CDKAL1: variants seen among roughly 807,000 people sequenced by gnomAD.
CDKAL1 encodes CDKAL1 threonylcarbamoyladenosine tRNA methylthiotransferase.
CDKAL1 carries 32 observed loss-of-function variants against 68.2 expected under a neutral mutation model. The ratio of observed to expected loss-of-function variants is 0.47; its 90% CI spans 0.35 to 0.63. The LOEUF is 0.63. CDKAL1 is among the 30% of genes least tolerant of loss of function. The pLI, the probability that CDKAL1 is intolerant of heterozygous loss-of-function variation, is 0.00. For synonymous variants in CDKAL1, 234 were observed against 244.3 expected (o/e 0.96, Z 0.39); for missense variants, 606 against 696.7 (o/e 0.87, Z 1.47).
At chr6:20,959,157 C>T (rs1031859676) in intron 10 of CDKAL1, among the ~76,000 whole-genome samples, 11 of 152,104 alleles carry the variant, frequency 7.2e-5, no homozygotes, top group African/African-American at 2.7e-4. Context: ...GGAAGGAGAA[C>T]TCTTTATCAC....
chr6:20,849,342 G>A (rs1271594655), intron 9 of CDKAL1, among the ~76,000 whole-genome samples: 2 of 152,158 alleles, frequency 1.3e-5, no homozygotes, highest in East Asian at 3.9e-4. Flanking sequence ...CCAGCACTTT[G>A]GGAGGCCAAG....
intron 8 of CDKAL1, among the ~76,000 whole-genome samples, chr6:20,811,785 TA>T (rs370931927): frequency 3.7e-3 from 384 of 103,602 alleles, no homozygotes; most frequent in African/African-American, 6.3e-3. Flanking sequence ...TACCTAGTAG[TA>T]AAAAAAAAAA....
chr6:20,674,075 A>G (rs1769975995), intron 5 of CDKAL1, among the ~76,000 whole-genome samples: 1 of 151,798 alleles, frequency 6.6e-6, no homozygotes, highest in South Asian at 2.1e-4. Context: ...TATTATTCCT[A>G]TATGTTCATT....
At chr6:21,155,038 T>A (rs1776584579) in intron 13 of CDKAL1, among the ~76,000 whole-genome samples, 1 of 148,530 alleles carries the variant, frequency 6.7e-6, no homozygotes, top group Non-Finnish European at 1.5e-5. Context: ...ATTAAGAATG[T>A]AATTGCTGTC....
intron 13 of CDKAL1, among the ~76,000 whole-genome samples, chr6:21,133,730 C>T (rs888245038): frequency 5.3e-5 from 8 of 152,126 alleles, no homozygotes; most frequent in Non-Finnish European, 8.8e-5. Context: ...TATGCAAGGT[C>T]TTTATATAGT....
chr6:20,607,169 A>G (rs1488578297), intron 4 of CDKAL1, among the ~76,000 whole-genome samples: 1 of 152,240 alleles, frequency 6.6e-6, no homozygotes, highest in African/African-American at 2.4e-5. Context: ...AAGAACGTAA[A>G]GTAGTTTTTA....
At chr6:21,078,704 A>T (rs1772212965) in intron 12 of CDKAL1, among the ~76,000 whole-genome samples, 1 of 152,012 alleles carries the variant, frequency 6.6e-6, no homozygotes, top group South Asian at 2.1e-4. Context: ...TCGTCCTCTC[A>T]CACAGCGGGG....
At chr6:20,788,823 A>G (rs1483594097) in intron 8 of CDKAL1, among the ~76,000 whole-genome samples, 4 of 152,176 alleles carry the variant, frequency 2.6e-5, no homozygotes, top group East Asian at 1.9e-4. Flanking sequence ...ATGCTGTTCA[A>G]TGTTGGTTCT....
chr6:20,603,430 G>A (rs7764558), intron 4 of CDKAL1, among the ~76,000 whole-genome samples: 3,689 of 152,272 alleles, frequency 0.024, 136 homozygotes, highest in African/African-American at 0.078. Context: ...AGTTAAACGA[G>A]CTGGTGGCTC....
chr6:21,171,964 G>A (rs1049573758), intron 13 of CDKAL1, among the ~76,000 whole-genome samples: 1 of 152,126 alleles, frequency 6.6e-6, no homozygotes, highest in Non-Finnish European at 1.5e-5. Flanking sequence ...TTCATGTGTA[G>A]CAATGGATCT....
At chr6:20,913,158 C>CACACACAT (rs1229681370) in intron 9 of CDKAL1, among the ~76,000 whole-genome samples, 2,420 of 145,682 alleles carry the variant, frequency 0.017, 36 homozygotes, top group African/African-American at 0.041. Flanking sequence ...CACACACACA[C>CACACACAT]ATTACCACAA....
intron 5 of CDKAL1, among the ~76,000 whole-genome samples, chr6:20,731,298 A>G (rs1044810720): frequency 2.6e-5 from 4 of 152,202 alleles, no homozygotes; most frequent in African/African-American, 9.7e-5. Flanking sequence ...ACCAAAGTCT[A>G]AGGGAATGAA....
intron 10 of CDKAL1, among the ~76,000 whole-genome samples, chr6:20,970,199 A>G (rs1765522749): frequency 6.6e-6 from 1 of 152,100 alleles, no homozygotes; most frequent in African/African-American, 2.4e-5. Context: ...CAACTCTATT[A>G]TGCCCCCTCA....
chr6:20,609,484 C>A (rs1448082856), intron 4 of CDKAL1, among the ~76,000 whole-genome samples: 2 of 151,276 alleles, frequency 1.3e-5, no homozygotes, highest in Non-Finnish European at 2.9e-5. Context: ...CAGCCTCCGT[C>A]TCCCAGGTTC....
At chr6:20,781,619 A>G (rs910166351) in intron 8 of CDKAL1, among the ~76,000 whole-genome samples, 7 of 152,198 alleles carry the variant, frequency 4.6e-5, no homozygotes, top group Non-Finnish European at 8.8e-5. Flanking sequence ...CAGTAAAGGT[A>G]TGGTAAATGT....
chr6:21,111,378 A>G (rs901544706), intron 13 of CDKAL1, among the ~76,000 whole-genome samples: 1 of 152,210 alleles, frequency 6.6e-6, no homozygotes, highest in African/African-American at 2.4e-5. Context: ...CACTTAAATG[A>G]CAGCTTTGCC....
intron 8 of CDKAL1, among the ~76,000 whole-genome samples, chr6:20,842,346 A>G (rs2150487039): frequency 6.6e-6 from 1 of 152,330 alleles, no homozygotes. Flanking sequence ...GCAAGTTTAA[A>G]GAAACGTACT....
At position 20,578,741 on chromosome 6, in the gene CDKAL1, G is replaced by A. The variant is rs572819329; in HGVS notation, c.286+30036G>A. ...TTACTTAATTCTCTACGGCAGACAT[G>A]TTCGGTGAAAGCATTGACATCTGAT... On this transcript the variant is annotated intron_variant, in intron 4 of 15. Transcript: ENST00000274695. Among the ~76,000 whole-genome samples, 119 of 152,296 alleles carry A rather than the reference G, an allele frequency of 7.8e-4. 2 individuals carry two copies. The highest frequency in any genetic ancestry group is 2.6e-3 in the African/African-American group (107 of 41,562).
At position 20,604,926 on chromosome 6, in the gene CDKAL1, G is replaced by A. The variant is rs115001321; in HGVS notation, c.287-44367G>A. Among the ~76,000 whole-genome samples, 1,135 of 152,256 alleles carry A rather than the reference G, an allele frequency of 7.5e-3. 4 individuals are homozygous for A. Among genetic ancestry groups the A allele is most frequent in the Middle Eastern group, 0.027 (8 of 294 alleles). On this transcript the variant is annotated intron_variant, in intron 4 of 15. Transcript: ENST00000274695. ...GAAATACTGAGCTTTGCTGAGCTCT[G>A]GTTTGGAGACCTTGGACTTCAAGGG... is the stretch of plus-strand genomic sequence containing the variant.
Sources: gnomAD v4.1 joint callset for allele counts (sites outside exome capture counted in the v4.1 genomes callset) on GRCh38, gnomAD v4.1.1 for gene constraint, MANE v1.5 for transcripts, NCBI Gene and HGNC (gene_info 2026-07-23, HGNC 2026-07-21) for gene names.